The following KIAA1328 variants were observed in gnomAD, a reference collection of about 807,000 sequenced individuals.
KIAA1328 encodes the protein protein hinderin.
A neutral mutation model predicts 68.1 loss-of-function variants in KIAA1328; 52 were observed. That is an observed-to-expected ratio of 0.76 (90% CI 0.61 to 0.96). The LOEUF is 0.96. Among genes scored for constraint, KIAA1328 ranks in the 40% least tolerant of loss-of-function variants. The pLI, the probability that KIAA1328 is intolerant of heterozygous loss-of-function variation, is 0.00. For missense variants in KIAA1328, 641 were observed against 677.6 expected, an observed-to-expected ratio of 0.95 and a Z score of 0.60; for synonymous variants, 232 against 239.4, an observed-to-expected ratio of 0.97 and a Z score of 0.28.
intron 6 of KIAA1328, among the ~76,000 whole-genome samples, chr18:37,009,263 A>T (rs1482006183): frequency 6.6e-6 from 1 of 152,146 alleles, no homozygotes; most frequent in Non-Finnish European, 1.5e-5. Flanking sequence ...ACTGGGAATA[A>T]CAGTGTCCCT....
At chr18:36,938,801 T>C (rs987817240) in intron 5 of KIAA1328, among the ~76,000 whole-genome samples, 1 of 152,194 alleles carries the variant, frequency 6.6e-6, no homozygotes, top group African/African-American at 2.4e-5. Context: ...CTTCTGCATG[T>C]GGATATCCAG....
intron 8 of KIAA1328, among the ~76,000 whole-genome samples, chr18:37,165,428 TA>T (rs1170743800): frequency 6.6e-6 from 1 of 151,690 alleles, no homozygotes; most frequent in Non-Finnish European, 1.5e-5. Context: ...TTTATTTACT[TA>T]TTTTTTTGAG....
chr18:37,052,549 T>C (rs902194115), intron 6 of KIAA1328, among the ~76,000 whole-genome samples: 1 of 151,922 alleles, frequency 6.6e-6, no homozygotes, highest in African/African-American at 2.4e-5. Flanking sequence ...GACGTCAAAT[T>C]ATCTCTGTTC....
intron 6 of KIAA1328, among the ~76,000 whole-genome samples, chr18:37,009,328 A>C (rs1324346030): frequency 6.6e-6 from 1 of 152,210 alleles, no homozygotes; most frequent in Non-Finnish European, 1.5e-5. Flanking sequence ...ACTGAGGTAC[A>C]GTTCTGGCTA....
intron 6 of KIAA1328, among the ~76,000 whole-genome samples, chr18:36,963,773 T>C (rs1433460600): frequency 6.6e-6 from 1 of 152,240 alleles, no homozygotes; most frequent in Non-Finnish European, 1.5e-5. Context: ...CCTTTTTTGT[T>C]ATTTTGTAAT....
chr18:37,102,268 G>A (rs577515048), intron 7 of KIAA1328, among the ~76,000 whole-genome samples: 2 of 152,156 alleles, frequency 1.3e-5, no homozygotes, highest in Admixed American at 6.5e-5. Flanking sequence ...ACTGGGGCCT[G>A]TCAGGCGTGA....
intron 9 of KIAA1328, among the ~76,000 whole-genome samples, chr18:37,198,275 T>G (rs994129660): frequency 1.3e-5 from 2 of 152,184 alleles, no homozygotes; most frequent in African/African-American, 4.8e-5. Context: ...GTTGCACAAC[T>G]CTAAATAAAC....
intron 7 of KIAA1328, among the ~76,000 whole-genome samples, chr18:37,071,026 ATTTCCTTTTTTGT>A (rs1251508352): frequency 5.6e-5 from 3 of 53,920 alleles, no homozygotes; most frequent in Non-Finnish European, 1.4e-4. Flanking sequence ...ATGTTCAGAT[ATTTCCTTTTTTGT>A]TTTTGATTTT....
intron 7 of KIAA1328, among the ~76,000 whole-genome samples, chr18:37,086,121 A>G (rs1023509568): frequency 1.3e-5 from 2 of 152,164 alleles, no homozygotes; most frequent in Non-Finnish European, 2.9e-5. Context: ...AAAGACTGCA[A>G]AGTTTCAGTG....
At chr18:37,131,578 G>A (rs2058521956) in intron 7 of KIAA1328, among the ~76,000 whole-genome samples, 1 of 152,146 alleles carries the variant, frequency 6.6e-6, no homozygotes, top group Non-Finnish European at 1.5e-5. Flanking sequence ...CTAACAGTGA[G>A]CATTTTTGGT....
At chr18:36,897,071 A>C (rs2048889658) in intron 5 of KIAA1328, among the ~76,000 whole-genome samples, 1 of 152,080 alleles carries the variant, frequency 6.6e-6, no homozygotes, top group African/African-American at 2.4e-5. Context: ...AATTTTTCAG[A>C]AGTAGTGAAT....
At chr18:37,135,235 C>A (rs760670671) in intron 7 of KIAA1328, among the ~76,000 whole-genome samples, 30 of 152,136 alleles carry the variant, frequency 2.0e-4, no homozygotes, top group Non-Finnish European at 3.8e-4. Flanking sequence ...ATTGCTGGGT[C>A]GAACGGTAGT....
At chr18:37,092,828 C>T (rs1184806305) in intron 7 of KIAA1328, among the ~76,000 whole-genome samples, 1 of 152,160 alleles carries the variant, frequency 6.6e-6, no homozygotes, top group Non-Finnish European at 1.5e-5. Context: ...GACCTGTCTG[C>T]CTGCCCAAAT....
chr18:37,161,505 G>A (rs939273329), intron 8 of KIAA1328, among the ~76,000 whole-genome samples: 9 of 152,230 alleles, frequency 5.9e-5, no homozygotes, highest in African/African-American at 1.9e-4. Context: ...GAAAGGTTTT[G>A]TAGACTTCCA....
chr18:37,083,455 A>C (rs954497994), intron 7 of KIAA1328, among the ~76,000 whole-genome samples: 1 of 152,238 alleles, frequency 6.6e-6, no homozygotes, highest in Non-Finnish European at 1.5e-5. Context: ...AGATAACCAG[A>C]GAACATTTCT....
intron 5 of KIAA1328, among the ~76,000 whole-genome samples, chr18:36,897,329 A>G (rs1292529091): frequency 6.6e-6 from 1 of 152,122 alleles, no homozygotes; most frequent in Non-Finnish European, 1.5e-5. Flanking sequence ...GTGGCCTGGA[A>G]AATCCAGGCA....
chr18:37,026,011 T>C (rs906904087), intron 6 of KIAA1328, among the ~76,000 whole-genome samples: 1 of 151,808 alleles, frequency 6.6e-6, no homozygotes, highest in Non-Finnish European at 1.5e-5. Context: ...AAGAATCCAA[T>C]AGACGCAATA....
chr18:37,160,169 T>G (rs771449983), intron 7 of KIAA1328, 31 bp from the exon 8 acceptor site: 2 of 1,586,972 alleles, frequency 1.3e-6, no homozygotes, highest in Admixed American at 1.8e-5. Context: ...CTTCTGTGCC[T>G]TCAACAGTTC....
At chr18:37,215,780 G>T (rs939741146) in intron 9 of KIAA1328, among the ~76,000 whole-genome samples, 1 of 152,200 alleles carries the variant, frequency 6.6e-6, no homozygotes, top group East Asian at 1.9e-4. Flanking sequence ...TCTGGTCCTG[G>T]ACTTTTTTTG....
Sources: gnomAD v4.1 joint callset for allele counts (sites outside exome capture counted in the v4.1 genomes callset) on GRCh38, gnomAD v4.1.1 for gene constraint, MANE v1.5 for transcripts, NCBI Gene and HGNC (gene_info 2026-07-23, HGNC 2026-07-21) for gene names.